IPO11: variants seen among roughly 807,000 people sequenced by gnomAD.
IPO11 encodes importin-11.
A neutral mutation model predicts 143.2 loss-of-function variants in IPO11; 66 were observed. That is an observed-to-expected ratio of 0.46 (90% CI 0.38 to 0.57). The LOEUF (loss-of-function observed/expected upper bound fraction) is 0.57, where lower values mean the gene tolerates loss of function less well. Among genes scored for constraint, IPO11 ranks in the 20% least tolerant of loss-of-function variants. The pLI is 0.00. For missense variants in IPO11, 1,026 were observed against 1,141.0 expected, an observed-to-expected ratio of 0.90 and a Z score of 1.45; for synonymous variants, 385 against 377.8, an observed-to-expected ratio of 1.02 and a Z score of -0.22.
At position 62,627,179 on chromosome 5, in the gene IPO11, C is replaced by G; in HGVS notation, c.2789C>G (p.Thr930Arg). Residue 930 changes from threonine to arginine, a missense_variant, in exon 30 of 30, where the codon ACA becomes AGA. Physicochemically the swap from Thr to Arg is moderately conservative, Grantham distance 71 (BLOSUM62 -1). Transcript: ENST00000325324. ...CTGGCCCTGAAGGACCCTGTTCATA[C>G]AGTGTCACTGCAGCAGTTCATCTAC... ...KMLALKDPVHTVSLQQFIYEK... is the reference protein window; with the variant it reads ...KMLALKDPVHRVSLQQFIYEK... 6.2e-7 allele frequency: 1 copy of G among 1,613,942 alleles called. No homozygotes were observed. Among genetic ancestry groups the G allele is most frequent in the Non-Finnish European group, 8.5e-7 (1 of 1,179,876 alleles).
rs560870791 is a variant in IPO11 at position 62,528,981 on chromosome 5, A to G, written c.2013-1728A>G. Among the ~76,000 whole-genome samples, 45 of 152,248 alleles carry G rather than the reference A, an allele frequency of 3.0e-4. No homozygotes were observed. The South Asian group carries it at 5.0e-3, about 17-fold the overall frequency. On this transcript the variant is annotated intron_variant, in intron 21 of 29. Transcript: ENST00000325324. Reference sequence around the variant, plus strand: ...AGATTTGTCAGTTACTAGGCTTTTCAAAAACAACCTTTGGCTTTGGTTCTC... The same window carrying G: ...AGATTTGTCAGTTACTAGGCTTTTCGAAAACAACCTTTGGCTTTGGTTCTC...
At chr5:62,575,216 A>ACT (rs1744270707) in intron 27 of IPO11, among the ~76,000 whole-genome samples, 2 of 152,232 alleles carry the variant, frequency 1.3e-5, no homozygotes, top group African/African-American at 4.8e-5. Context: ...AGACTTAGAA[A>ACT]AACACTGCAA....
chr5:62,415,180 T>A (rs1007801486), intron 1 of IPO11, among the ~76,000 whole-genome samples: 2 of 152,188 alleles, frequency 1.3e-5, no homozygotes, highest in African/African-American at 4.8e-5. Flanking sequence ...TCTTTATTTT[T>A]TTTGAGGCGG....
rs149982147 is a variant in IPO11 at position 62,538,339 on chromosome 5, G to A, written c.2250+1050G>A. On this transcript the variant is annotated intron_variant, in intron 24 of 29. Transcript: ENST00000325324. ...TGAAGTCTTACTTCATAACTGATAT[G>A]GTTAGGCTTTGTGTCCCCACCCAAA... 3.3e-5 allele frequency among the ~76,000 whole-genome samples: 5 copies of A among 152,250 alleles called. No homozygotes were observed. In the East Asian group the frequency reaches 9.6e-4, roughly 29 times the overall value.
At chr5:62,457,503 A>G (rs563008218) in intron 5 of IPO11, among the ~76,000 whole-genome samples, 2 of 152,316 alleles carry the variant, frequency 1.3e-5, no homozygotes, top group South Asian at 2.1e-4. Flanking sequence ...TGTTTCTGCT[A>G]AACAACACAT....
chr5:62,537,650 A>G (rs1742781598), intron 24 of IPO11, among the ~76,000 whole-genome samples: 1 of 152,120 alleles, frequency 6.6e-6, no homozygotes, highest in Non-Finnish European at 1.5e-5. Context: ...TTATTCTTTC[A>G]TTTTGTTAGT....
At position 62,449,908 on chromosome 5, in the gene IPO11, T is replaced by C. The variant is rs1744849868; in HGVS notation, c.240-19T>C. On this transcript the variant is annotated intron_variant, in intron 3 of 29. Coordinates refer to ENST00000325324, the MANE Select transcript of IPO11 (RefSeq NM_016338.5). ...AGGTGGCATTCTTTTGCATAATCAA[T>C]ACTTTTTTTTTTTTACAGTGCTCTC... 1 of 1,435,218 alleles carries C rather than the reference T, an allele frequency of 7.0e-7. No individual in the cohort carries two copies. Among genetic ancestry groups the C allele is most frequent in the Non-Finnish European group, 9.2e-7 (1 of 1,082,200 alleles). The allele number at this position is 1,435,218 out of a possible 1,614,324, so 88.9% of individuals were successfully genotyped here.
chr5:62,456,174 G>A (rs569342541), intron 5 of IPO11, among the ~76,000 whole-genome samples: 1 of 152,144 alleles, frequency 6.6e-6, no homozygotes, highest in African/African-American at 2.4e-5. Flanking sequence ...ACCATGCCTG[G>A]CTAATTTTTG....
intron 26 of IPO11, among the ~76,000 whole-genome samples, chr5:62,558,628 C>T (rs946272158): frequency 7.9e-5 from 12 of 152,146 alleles, no homozygotes; most frequent in Non-Finnish European, 1.5e-4. Flanking sequence ...AAAGTATCAT[C>T]ATGAATTGAC....
At chr5:62,545,766 C>G (rs1464340070) in intron 24 of IPO11, among the ~76,000 whole-genome samples, 1 of 151,896 alleles carries the variant, frequency 6.6e-6, no homozygotes, top group Non-Finnish European at 1.5e-5. Context: ...AAAAAAACAA[C>G]CCCATCAAAA....
Position 62,438,762 on chromosome 5 carries a change from AG to A in IPO11, c.138+1352del, listed in dbSNP as rs372334461. Among the ~76,000 whole-genome samples, 740 of 150,448 alleles carry A rather than the reference AG, an allele frequency of 4.9e-3. 8 individuals carry two copies. The highest frequency in any genetic ancestry group is 0.017 in the African/African-American group (706 of 41,012). ...AACGAAACTCCATCTCAAAAAAAAA[AG>A]GGGGGGAGCAGCGGGGCCAGGTGTG... On this transcript the variant is annotated intron_variant, in intron 2 of 29. Coordinates refer to ENST00000325324, the MANE Select transcript of IPO11 (RefSeq NM_016338.5).
chr5:62,477,850 C>T (rs542613202), intron 9 of IPO11, among the ~76,000 whole-genome samples: 1 of 152,288 alleles, frequency 6.6e-6, no homozygotes, highest in South Asian at 2.1e-4. Context: ...GTAATTTATT[C>T]TACTTAACAT....
At chr5:62,548,411 G>A (rs1743281440) in intron 24 of IPO11, among the ~76,000 whole-genome samples, 1 of 151,988 alleles carries the variant, frequency 6.6e-6, no homozygotes, top group Admixed American at 6.6e-5. Flanking sequence ...GCTGCTGCTT[G>A]TTCCTGTTGT....
At chr5:62,553,978 G>A (rs375915411) in intron 26 of IPO11, among the ~76,000 whole-genome samples, 24 of 152,158 alleles carry the variant, frequency 1.6e-4, no homozygotes, top group African/African-American at 3.6e-4. Flanking sequence ...TGATCTGCCC[G>A]CCTCGGCCTC....
chr5:62,514,935 G>T (rs139206667), intron 19 of IPO11, among the ~76,000 whole-genome samples: 14 of 152,158 alleles, frequency 9.2e-5, no homozygotes, highest in African/African-American at 3.1e-4. Flanking sequence ...TCATTGTAAG[G>T]GTTTGTCTGG....
At chr5:62,492,231 A>G (rs965952949) in intron 15 of IPO11, among the ~76,000 whole-genome samples, 1 of 152,146 alleles carries the variant, frequency 6.6e-6, no homozygotes. Flanking sequence ...TTTATCTGGA[A>G]CAGAGTCTAA....
chr5:62,452,510 C>T (rs1292438838), intron 5 of IPO11, among the ~76,000 whole-genome samples: 1 of 150,872 alleles, frequency 6.6e-6, no homozygotes, highest in Non-Finnish European at 1.5e-5. Flanking sequence ...GTAAAGGGAA[C>T]AATTAGGTGG....
chr5:62,413,322 C>T (rs1047231132), intron 1 of IPO11: 10 of 152,160 alleles, frequency 6.6e-5, no homozygotes, highest in Admixed American at 1.3e-4. Flanking sequence ...TGCATTGTTA[C>T]TGCGCACGCG....
intron 16 of IPO11, among the ~76,000 whole-genome samples, chr5:62,503,404 A>AT (rs1248577957): frequency 6.2e-5 from 9 of 146,184 alleles, no homozygotes; most frequent in African/African-American, 2.2e-4. Flanking sequence ...TAATATATTA[A>AT]TAGTATCTAT....
Sources: gnomAD v4.1 joint callset for allele counts (sites outside exome capture counted in the v4.1 genomes callset) on GRCh38, gnomAD v4.1.1 for gene constraint, MANE v1.5 for transcripts, NCBI Gene and HGNC (gene_info 2026-07-23, HGNC 2026-07-21) for gene names.